The following CMTM5 variants were observed in gnomAD, a reference collection of about 807,000 sequenced individuals.
The protein encoded by CMTM5 is CKLF like MARVEL transmembrane domain containing 5.
Under a neutral mutation model 26.9 loss-of-function variants are expected in CMTM5, and 25 were observed. The observed-to-expected ratio is 0.93, with a 90% confidence interval of 0.68 to 1.30. The LOEUF is 1.30. CMTM5 is among the 50% of genes most tolerant of loss of function. The pLI is 0.00. For synonymous variants in CMTM5, 98 were observed against 115.5 expected (o/e 0.85, Z 0.97); for missense variants, 292 against 289.6 (o/e 1.01, Z -0.06).
In CMTM5 at chr14:23,378,795, T is replaced by C. The variant is rs754269216; in HGVS notation, c.406T>C (p.Trp136Arg). The part of the protein sequence containing the change: ...PGWHTPAAVP[W>R]VPAPAPGFWS... ...CTGGCATACTCCAGCCGCTGTCCCC[T>C]GGGTTCCAGCCCCAGCGCCTGGCTT... The change falls in exon 3 of 6, where the codon TGG (tryptophan) becomes CGG (arginine). Residue 136 changes from tryptophan to arginine, a missense_variant. Transcript: ENST00000339180. This position sits in a 1 kb window ranked among gnomAD's most constrained non-coding sequence, Gnocchi z 4.2. The C allele has an allele frequency of 1.4e-5, 22 of 1,612,460 alleles. No individual in the cohort carries two copies. Among genetic ancestry groups the C allele is most frequent in the Non-Finnish European group, 1.9e-5 (22 of 1,179,788 alleles).
Position 23,378,914 on chromosome 14 carries a change from T to C in CMTM5, c.480+45T>C, listed in dbSNP as rs763657028. ...AATGTGCTTCATATTGTGTGAGGGG[T>C]ATCCTATGGAGGGGTTCAGAATCCC... is the stretch of plus-strand genomic sequence containing the variant. On this transcript the variant is annotated intron_variant, in intron 3 of 5. Coordinates refer to ENST00000339180, the MANE Select transcript of CMTM5 (RefSeq NM_001288746.2). The surrounding 1 kb of genome is among the most constrained non-coding windows in gnomAD (Gnocchi z 4.2). 1.2e-6 allele frequency: 2 copies of C among 1,608,284 alleles called. No individual in the cohort carries two copies. Among genetic ancestry groups the C allele is most frequent in the East Asian group, 2.2e-5 (1 of 44,826 alleles).
chr14:23,379,734 A>C lies in CMTM5; in HGVS notation c.*247A>C. On this transcript the variant is annotated 3_prime_UTR_variant, in exon 6 of 6. Transcript: ENST00000339180. Reference sequence around the variant, plus strand: ...GGGGGGGTGGAGGGGAGGAATCTGGACCTCTAAGTCATTCCCAAATTAAAA... The same window carrying C: ...GGGGGGGTGGAGGGGAGGAATCTGGCCCTCTAAGTCATTCCCAAATTAAAA... 1.1e-6 allele frequency: 1 copy of C among 910,674 alleles called. No individual in the cohort carries two copies. Among genetic ancestry groups the C allele is most frequent in the Non-Finnish European group, 1.6e-6 (1 of 622,676 alleles). The allele number at this position is 910,674 out of a possible 1,614,324, so 56.4% of individuals were successfully genotyped here.
chr14:23,379,319 T>G lies in CMTM5; in HGVS notation c.594T>G (p.Val198=). ...CACAGGTTTTTGGCATCATCCTGGT[T>G]TCCATCTTTGCCTATGATGCCTTCA... ...IAAFVFGIIL[V]SIFAYDAFKI... Residue 198 remains valine (V), a synonymous_variant, in exon 5 of 6, where the codon GTT becomes GTG. Coordinates refer to ENST00000339180, the MANE Select transcript of CMTM5 (RefSeq NM_001288746.2). 1 of 1,614,162 alleles carries G rather than the reference T, an allele frequency of 6.2e-7. No homozygotes were observed. The highest frequency in any genetic ancestry group is 8.5e-7 in the Non-Finnish European group (1 of 1,180,006).
chr14:23,377,104 C>G lies in CMTM5; in HGVS notation c.-148C>G. 1 of 1,128,494 alleles carries G rather than the reference C, an allele frequency of 8.9e-7. No homozygotes were observed. Among genetic ancestry groups the G allele is most frequent in the Non-Finnish European group, 1.3e-6 (1 of 795,186 alleles). The allele number at this position is 1,128,494 out of a possible 1,614,324, so 69.9% of individuals were successfully genotyped here. A position where few individuals can be genotyped will look rare whatever the true frequency, so the allele number is the denominator to read the frequency against. ...AAGGCCCCCAGCGCCTGCCTTCTCTCCCGGGGCCCTGTGGGCAAGCCTCCT... is the reference window on the plus strand; with the variant it reads ...AAGGCCCCCAGCGCCTGCCTTCTCTGCCGGGGCCCTGTGGGCAAGCCTCCT... On this transcript the variant is annotated 5_prime_UTR_variant, in exon 1 of 6. Coordinates refer to ENST00000339180, the MANE Select transcript of CMTM5 (RefSeq NM_001288746.2). This position sits in a 1 kb window ranked among gnomAD's most constrained non-coding sequence, Gnocchi z 4.6.
Position 23,377,361 on chromosome 14 carries a change from T to C in CMTM5, c.110T>C (p.Leu37Pro). 1.3e-6 allele frequency: 2 copies of C among 1,593,214 alleles called. No homozygotes were observed. The highest frequency in any genetic ancestry group is 1.7e-6 in the Non-Finnish European group (2 of 1,167,062). ...KAFLTSHKGI[L>P]LETELALTLI... is the part of the protein sequence containing the mutation. The stretch of plus-strand genomic sequence containing the variant: ...TTCCTCACCTCCCACAAGGGCATCC[T>C]GCTGGAAACCGAGCTGGTAACAGCT... The change falls in exon 1 of 6, where the codon CTG (leucine) becomes CCG (proline). Residue 37 changes from leucine to proline, a missense_variant. By Grantham distance (98) the Leu-to-Pro change is moderately conservative (BLOSUM62 -3). Transcript: ENST00000339180. The surrounding 1 kb of genome is among the most constrained non-coding windows in gnomAD (Gnocchi z 4.6).
chr14:23,377,320 C>T lies in CMTM5; in HGVS notation c.69C>T (p.Phe23=), dbSNP rs767803323. 6.8e-6 allele frequency: 11 copies of T among 1,610,364 alleles called. No homozygotes were observed. Among genetic ancestry groups the T allele is most frequent in the Admixed American group, 1.7e-5 (1 of 59,662 alleles). The stretch of plus-strand genomic sequence containing the variant: ...GGGTAGTTGCAGAGCTCCAGGGCTT[C>T]GCGGTGGACAAGGCCTTCCTCACCT... The part of the protein sequence containing the change: ...EEGVVAELQG[F]AVDKAFLTSH... Residue 23 remains phenylalanine, a synonymous_variant, in exon 1 of 6, where the codon TTC becomes TTT. Transcript: ENST00000339180. This position sits in a 1 kb window ranked among gnomAD's most constrained non-coding sequence, Gnocchi z 4.6.
At position 23,379,379 on chromosome 14, in the gene CMTM5, C is replaced by T. The variant is rs1310620888; in HGVS notation, c.654C>T (p.Ser218=). The change falls in exon 5 of 6, where the codon AGC becomes AGT. Residue 218 remains serine, a synonymous_variant. Coordinates refer to ENST00000339180, the MANE Select transcript of CMTM5 (RefSeq NM_001288746.2). The stretch of plus-strand genomic sequence containing the variant: ...GGACTGAGATGGCACCCGGGGCCAG[C>T]CAGGGTGAGTGCCTGTGCTCTGTGG... ...IYRTEMAPGA[S]QGDQQ 6.2e-7 allele frequency: 1 copy of T among 1,614,052 alleles called. No individual in the cohort carries two copies. The highest frequency in any genetic ancestry group is 8.5e-7 in the Non-Finnish European group (1 of 1,180,032).
chr14:23,377,259 G>A lies in CMTM5; in HGVS notation c.8G>A (p.Ser3Asn). The change falls in exon 1 of 6, where the codon AGT becomes AAT. Residue 3 changes from serine (S) to asparagine (N), a missense_variant. Physicochemically the swap from Ser to Asn is conservative, Grantham distance 46. Transcript: ENST00000339180. This position sits in a 1 kb window ranked among gnomAD's most constrained non-coding sequence, Gnocchi z 4.6. ...TTGGTGGGCCCTACGAAGATGCTCA[G>A]TGCTCGAGATCGCCGGGACCGGCAC... ML[S>N]ARDRRDRHPE... is the part of the protein sequence containing the mutation. 1 of 1,612,386 alleles carries A rather than the reference G, an allele frequency of 6.2e-7. No individual in the cohort carries two copies. The highest frequency in any genetic ancestry group is 1.1e-5 in the South Asian group (1 of 90,988).
In CMTM5 at chr14:23,379,652, C is replaced by T. The variant is rs1042246687; in HGVS notation, c.*165C>T. ...GGGGACTTATCTGTGGAGCCTGGTGCTCCAGGATGTGGCTTCTCATGAAGC... is the reference window on the plus strand; with the variant it reads ...GGGGACTTATCTGTGGAGCCTGGTGTTCCAGGATGTGGCTTCTCATGAAGC... On this transcript the variant is annotated 3_prime_UTR_variant, in exon 6 of 6. Coordinates refer to ENST00000339180, the MANE Select transcript of CMTM5 (RefSeq NM_001288746.2). 1.0e-5 allele frequency: 15 copies of T among 1,457,018 alleles called. No homozygotes were observed. In the African/African-American group the frequency reaches 2.1e-4, roughly 21 times the overall value. The allele number at this position is 1,457,018 out of a possible 1,614,324, so 90.3% of individuals were successfully genotyped here.
In CMTM5 at chr14:23,379,511, G is replaced by A; in HGVS notation, c.*24G>A. On this transcript the variant is annotated 3_prime_UTR_variant, in exon 6 of 6. Transcript: ENST00000339180. ...GACTCTGGGGCTACCTGGCTCCTAG[G>A]CCCAGCCAGCCAGAGAGGACAGTGG... is the stretch of plus-strand genomic sequence containing the variant. 1.9e-6 allele frequency: 3 copies of A among 1,612,950 alleles called. No homozygotes were observed. The highest frequency in any genetic ancestry group is 2.5e-6 in the Non-Finnish European group (3 of 1,179,996).
In CMTM5 at chr14:23,379,744, C is replaced by G. The variant is rs187802067; in HGVS notation, c.*257C>G. 2 of 851,382 alleles carry G rather than the reference C, an allele frequency of 2.3e-6. No individual in the cohort carries two copies. Among genetic ancestry groups the G allele is most frequent in the East Asian group, 5.4e-5 (2 of 36,808 alleles). The allele number at this position is 851,382 out of a possible 1,614,324, so 52.7% of individuals were successfully genotyped here. Reference sequence around the variant, plus strand: ...AGGGGAGGAATCTGGACCTCTAAGTCATTCCCAAATTAAAATATTCAAATT... The same window carrying G: ...AGGGGAGGAATCTGGACCTCTAAGTGATTCCCAAATTAAAATATTCAAATT... On this transcript the variant is annotated 3_prime_UTR_variant, in exon 6 of 6. Transcript: ENST00000339180.
At position 23,378,580 on chromosome 14, in the gene CMTM5, C is replaced by T. The variant is rs1890692294; in HGVS notation, c.279+79C>T. 1.2e-6 allele frequency: 2 copies of T among 1,607,666 alleles called. No individual in the cohort carries two copies. The highest frequency in any genetic ancestry group is 1.7e-5 in the Admixed American group (1 of 59,854). The stretch of plus-strand genomic sequence containing the variant: ...GATGCATTTTCCTTTCCTCCCCGAG[C>T]TTCTTTCCATTTCCACACCACAGCT... On this transcript the variant is annotated intron_variant, in intron 2 of 5. Transcript: ENST00000339180. The surrounding 1 kb of genome is among the most constrained non-coding windows in gnomAD (Gnocchi z 4.2).
chr14:23,378,353 T>G lies in CMTM5; in HGVS notation c.131T>G (p.Leu44Arg). ...KGILLETELA[L>R]TLIIFICFTA... ...TCCACATGCTCGGTCCTGCAGGCCC[T>G]GACCCTCATCATCTTCATCTGCTTC... Residue 44 changes from leucine (L) to arginine (R), a missense_variant, in exon 2 of 6, where the codon CTG becomes CGG. By Grantham distance (102) the Leu-to-Arg change is moderately radical. Transcript: ENST00000339180. This position sits in a 1 kb window ranked among gnomAD's most constrained non-coding sequence, Gnocchi z 4.2. 6.2e-7 allele frequency: 1 copy of G among 1,614,020 alleles called. No individual in the cohort carries two copies. The highest frequency in any genetic ancestry group is 8.5e-7 in the Non-Finnish European group (1 of 1,179,968).
chr14:23,379,665 C>A lies in CMTM5; in HGVS notation c.*178C>A. Reference sequence around the variant, plus strand: ...TGGAGCCTGGTGCTCCAGGATGTGGCTTCTCATGAAGCTCTGGCCAGAGGA... The same window carrying A: ...TGGAGCCTGGTGCTCCAGGATGTGGATTCTCATGAAGCTCTGGCCAGAGGA... On this transcript the variant is annotated 3_prime_UTR_variant, in exon 6 of 6. Coordinates refer to ENST00000339180, the MANE Select transcript of CMTM5 (RefSeq NM_001288746.2). The A allele has an allele frequency of 8.1e-7, 1 of 1,239,464 alleles. No individual in the cohort carries two copies. Among genetic ancestry groups the A allele is most frequent in the African/African-American group, 1.5e-5 (1 of 64,670 alleles). The allele number at this position is 1,239,464 out of a possible 1,614,324, so 76.8% of individuals were successfully genotyped here. A position where few individuals can be genotyped will look rare whatever the true frequency, so the allele number is the denominator to read the frequency against.
rs772885174 is a variant in CMTM5, at chr14:23,379,248, C to A, written c.574-51C>A. 19 of 1,611,044 alleles carry A rather than the reference C, an allele frequency of 1.2e-5. No individual in the cohort carries two copies. The East Asian group carries it at 4.0e-4, about 34-fold the overall frequency. On this transcript the variant is annotated intron_variant, in intron 4 of 5. Coordinates refer to ENST00000339180, the MANE Select transcript of CMTM5 (RefSeq NM_001288746.2). ...GCTTGCACCTCACCCTATACCTTAA[C>A]CCAATGGCCCTATAGCCTCTGTTTT... is the stretch of plus-strand genomic sequence containing the variant.
Position 23,377,727 on chromosome 14 carries a change from AGACTTCCT to A in CMTM5, c.126+352_126+359del. The A allele has an allele frequency of 4.2e-6, 1 of 239,270 alleles. No individual in the cohort carries two copies. The highest frequency in any genetic ancestry group is 8.0e-6 in the Non-Finnish European group (1 of 124,322). 14.8% of individuals were successfully genotyped at this position (239,270 alleles called of 1,614,324 possible). A position where few individuals can be genotyped will look rare whatever the true frequency, so the allele number is the denominator to read the frequency against. On this transcript the variant is annotated intron_variant, in intron 1 of 5. Coordinates refer to ENST00000339180, the MANE Select transcript of CMTM5 (RefSeq NM_001288746.2). This position sits in a 1 kb window ranked among gnomAD's most constrained non-coding sequence, Gnocchi z 4.6. ...AAGAAGTCTAACTATCAAAAAGGGC[AGACTTCCT>A]GCAACTGCACTTTATCTGTGGTCTG...
In CMTM5 at chr14:23,379,541, C is replaced by T. The variant is rs1422579747; in HGVS notation, c.*54C>T. ...GCCAGCCAGAGAGGACAGTGGAGCCCAGACACGTCTCCTTGGGATTCACTA... is the reference window on the plus strand; with the variant it reads ...GCCAGCCAGAGAGGACAGTGGAGCCTAGACACGTCTCCTTGGGATTCACTA... On this transcript the variant is annotated 3_prime_UTR_variant, in exon 6 of 6. Coordinates refer to ENST00000339180, the MANE Select transcript of CMTM5 (RefSeq NM_001288746.2). 6.2e-7 allele frequency: 1 copy of T among 1,610,154 alleles called. No homozygotes were observed. The highest frequency in any genetic ancestry group is 1.3e-5 in the African/African-American group (1 of 74,854).
chr14:23,377,246 A>G lies in CMTM5; in HGVS notation c.-6A>G. ...GTAGGGGGCTGTGTTGGTGGGCCCTACGAAGATGCTCAGTGCTCGAGATCG... is the reference window on the plus strand; with the variant it reads ...GTAGGGGGCTGTGTTGGTGGGCCCTGCGAAGATGCTCAGTGCTCGAGATCG... On this transcript the variant is annotated 5_prime_UTR_variant, in exon 1 of 6. Transcript: ENST00000339180. This position sits in a 1 kb window ranked among gnomAD's most constrained non-coding sequence, Gnocchi z 4.6. The G allele has an allele frequency of 6.2e-7, 1 of 1,611,636 alleles. No individual in the cohort carries two copies. The highest frequency in any genetic ancestry group is 8.5e-7 in the Non-Finnish European group (1 of 1,179,284).
In CMTM5 at chr14:23,378,626, C is replaced by T. The variant is rs546374493; in HGVS notation, c.280-43C>T. 304 of 1,609,962 alleles carry T rather than the reference C, an allele frequency of 1.9e-4. No homozygotes were observed. The highest frequency in any genetic ancestry group is 2.4e-4 in the Non-Finnish European group (288 of 1,176,650). Reference sequence around the variant, plus strand: ...CAGCTGGGCTTTGTCCCATGCTATGCCCTGCACTCAAAGGTGTGCTTTGAC... The same window carrying T: ...CAGCTGGGCTTTGTCCCATGCTATGTCCTGCACTCAAAGGTGTGCTTTGAC... On this transcript the variant is annotated intron_variant, in intron 2 of 5. Coordinates refer to ENST00000339180, the MANE Select transcript of CMTM5 (RefSeq NM_001288746.2). The surrounding 1 kb of genome is among the most constrained non-coding windows in gnomAD (Gnocchi z 4.2).
Sources: allele counts gnomAD v4.1 joint callset, GRCh38; gene constraint gnomAD v4.1.1; non-coding constraint Gnocchi (gnomAD v3.1); transcripts MANE v1.5; gene names NCBI Gene and HGNC (gene_info 2026-07-23, HGNC 2026-07-21).